Variants in RHOT1 observed in about 807,000 individuals in gnomAD.
RHOT1 encodes mitochondrial Rho GTPase 1.
Under a neutral mutation model 95.3 loss-of-function variants are expected in RHOT1, and 27 were observed. The observed-to-expected ratio is 0.28, with a 90% confidence interval of 0.21 to 0.39. The LOEUF (loss-of-function observed/expected upper bound fraction) is 0.39. Ranked by LOEUF, RHOT1 falls within the 10% of genes least tolerant of loss-of-function variation. The pLI, the probability that RHOT1 is intolerant of heterozygous loss-of-function variation, is 1.00. For missense variants in RHOT1, 578 were observed against 786.7 expected (o/e 0.73, Z 3.17); for synonymous variants, 227 against 263.5 (o/e 0.86, Z 1.34).
At position 32,173,929 on chromosome 17, in the gene RHOT1, T is replaced by C; in HGVS notation, c.178+17T>C. On this transcript the variant is annotated intron_variant, in intron 3 of 19. Coordinates refer to ENST00000545287, the MANE Select transcript of RHOT1 (RefSeq NM_001033566.3). The stretch of plus-strand genomic sequence containing the variant: ...ATTACTCAGGTAATGAATATCCTCT[T>C]GTAGATGAAGGTGTAGGTTAATTTA... 1 of 1,520,882 alleles carries C rather than the reference T, an allele frequency of 6.6e-7. No homozygotes were observed. Among genetic ancestry groups the C allele is most frequent in the Non-Finnish European group, 9.1e-7 (1 of 1,101,132 alleles). 94.2% of individuals were successfully genotyped at this position (1,520,882 alleles called of 1,614,324 possible).
chr17:32,142,838 C>A, intron 1 of RHOT1, 109 bp downstream of exon 1: 1 of 949,490 alleles, frequency 1.1e-6, no homozygotes, highest in Non-Finnish European at 1.6e-6. Context: ...CCCGGCCCTT[C>A]TCGCGCCTCA....
chr17:32,156,621 G>A (rs1273162352), intron 1 of RHOT1, among the ~76,000 whole-genome samples: 1 of 152,202 alleles, frequency 6.6e-6, no homozygotes, highest in Non-Finnish European at 1.5e-5. Flanking sequence ...TTTTCTAGGT[G>A]TGCTCCATGG....
At chr17:32,197,776 T>G (rs2142813829) in intron 11 of RHOT1, among the ~76,000 whole-genome samples, 1 of 152,304 alleles carries the variant, frequency 6.6e-6, no homozygotes, top group South Asian at 2.1e-4. Flanking sequence ...TTTTACCATG[T>G]TGGCCAGGCT....
chr17:32,182,262 G>A (rs1181613746), intron 6 of RHOT1, among the ~76,000 whole-genome samples: 1 of 152,072 alleles, frequency 6.6e-6, no homozygotes, highest in East Asian at 1.9e-4. Flanking sequence ...AACACTTTGG[G>A]AGGCCAGAAG....
chr17:32,167,156 C>T (rs1408849437), intron 1 of RHOT1, among the ~76,000 whole-genome samples: 1 of 151,962 alleles, frequency 6.6e-6, no homozygotes, highest in Non-Finnish European at 1.5e-5. Flanking sequence ...CTTGGGTGAC[C>T]AGGTGTATTG....
At chr17:32,207,292 A>G (rs2036376) in intron 17 of RHOT1, 81,682 of 319,040 alleles carry the variant, frequency 0.26, 13,171 homozygotes, top group African/African-American at 0.55. Flanking sequence ...AGCTCTTCCC[A>G]GCTGTTAAAA....
At position 32,151,130 on chromosome 17, in the gene RHOT1, A is replaced by G. The variant is rs530913277; in HGVS notation, c.37+8401A>G. On this transcript the variant is annotated intron_variant, in intron 1 of 19. Coordinates refer to ENST00000545287, the MANE Select transcript of RHOT1 (RefSeq NM_001033566.3). The stretch of plus-strand genomic sequence containing the variant: ...CACATCCTCTCCAATTTACCATGAC[A>G]CTGGGTTCTTTACTGTTGACTCTGG... The G allele has an allele frequency of 2.6e-4, 222 of 845,162 alleles. 1 individual carries two copies. Among genetic ancestry groups the G allele is most frequent in the Admixed American group, 1.0e-4 (6 of 58,566 alleles). 52.4% of individuals were successfully genotyped at this position (845,162 alleles called of 1,614,324 possible).
intron 1 of RHOT1, among the ~76,000 whole-genome samples, chr17:32,157,838 AG>A (rs2033119185): frequency 6.6e-6 from 1 of 151,970 alleles, no homozygotes; most frequent in Non-Finnish European, 1.5e-5. Flanking sequence ...AAAAAAAAAA[AG>A]AATACGTGTG....
At chr17:32,156,571 C>G (rs1210274085) in intron 1 of RHOT1, among the ~76,000 whole-genome samples, 2 of 152,220 alleles carry the variant, frequency 1.3e-5, no homozygotes, top group Non-Finnish European at 2.9e-5. Context: ...ATGCCCAGCC[C>G]TTAATGTTAA....
intron 8 of RHOT1, among the ~76,000 whole-genome samples, chr17:32,189,843 C>T (rs757945510): frequency 6.6e-6 from 1 of 150,814 alleles, no homozygotes; most frequent in Non-Finnish European, 1.5e-5. Context: ...CATGATTCTC[C>T]TGCCTCAGCC....
chr17:32,208,113 T>G lies in RHOT1; in HGVS notation c.1543T>G (p.Phe515Val). ...EYCARIFKQHFMDSRIPCLIV... is the reference protein window; with the variant it reads ...EYCARIFKQHVMDSRIPCLIV... ...TTCATTTTTTATTCCATAGCAACAC[T>G]TTATGGACAGCAGAATACCTTGCTT... Residue 515 changes from phenylalanine to valine, a missense_variant, in exon 18 of 20, where the codon TTT becomes GTT. Physicochemically the swap from Phe to Val is conservative, Grantham distance 50. Coordinates refer to ENST00000545287, the MANE Select transcript of RHOT1 (RefSeq NM_001033566.3). The G allele has an allele frequency of 6.2e-7, 1 of 1,613,696 alleles. No individual in the cohort carries two copies.
intron 8 of RHOT1, among the ~76,000 whole-genome samples, chr17:32,185,875 C>T (rs2036008497): frequency 6.6e-6 from 1 of 151,970 alleles, no homozygotes; most frequent in Admixed American, 6.6e-5. Context: ...CACATGCCAC[C>T]GTGCCCAGCT....
intron 8 of RHOT1, among the ~76,000 whole-genome samples, chr17:32,186,808 A>C (rs544098509): frequency 6.6e-6 from 1 of 152,162 alleles, no homozygotes; most frequent in East Asian, 1.9e-4. Context: ...CTACAGGTGC[A>C]TGCCACCACA....
chr17:32,158,700 C>T (rs948954829), intron 1 of RHOT1, among the ~76,000 whole-genome samples: 4 of 151,832 alleles, frequency 2.6e-5, no homozygotes, highest in African/African-American at 7.2e-5. Flanking sequence ...CCTCGTGATC[C>T]GCCCACCTCA....
At chr17:32,185,191 A>G (rs896258977) in intron 8 of RHOT1, among the ~76,000 whole-genome samples, 1 of 151,576 alleles carries the variant, frequency 6.6e-6, no homozygotes, top group Non-Finnish European at 1.5e-5. Flanking sequence ...GTGCACCACA[A>G]CCTCCGCCTC....
At chr17:32,150,633 G>A in intron 1 of RHOT1, 1 of 1,591,090 alleles carries the variant, frequency 6.3e-7, no homozygotes, top group Non-Finnish European at 8.6e-7. Flanking sequence ...GATACAGACA[G>A]TGGAAAGAAG....
rs1035992737 is a variant in RHOT1, at chr17:32,223,436, A to G, written c.1863-1180A>G. ...TTCTTTCTTTTTTTTTTTTTTTGCG[A>G]TAGAGTCTCACTCTGTCACCCAGGC... On this transcript the variant is annotated intron_variant, in intron 19 of 19. Coordinates refer to ENST00000545287, the MANE Select transcript of RHOT1 (RefSeq NM_001033566.3). Among the ~76,000 whole-genome samples, 6 of 142,168 alleles carry G rather than the reference A, an allele frequency of 4.2e-5. No homozygotes were observed. The Admixed American group carries it at 4.4e-4, about 10-fold the overall frequency. 93.3% of individuals were successfully genotyped at this position (142,168 alleles called of 152,430 possible).
chr17:32,168,517 T>G (rs2034299140), intron 1 of RHOT1, among the ~76,000 whole-genome samples: 1 of 151,738 alleles, frequency 6.6e-6, no homozygotes, highest in African/African-American at 2.4e-5. Flanking sequence ...CAAGTAGTCC[T>G]CCCACTTCAG....
chr17:32,224,756 A>C lies in RHOT1; in HGVS notation c.*23A>C. 4.3e-6 allele frequency: 6 copies of C among 1,408,964 alleles called. No individual in the cohort carries two copies. Among genetic ancestry groups the C allele is most frequent in the Non-Finnish European group, 6.0e-6 (6 of 1,000,776 alleles). 87.3% of individuals were successfully genotyped at this position (1,408,964 alleles called of 1,614,324 possible). Reference sequence around the variant, plus strand: ...TGATATAAAAAGAAATACTGTCCCTACCAAAAACAAATACTTTTATGTACA... The same window carrying C: ...TGATATAAAAAGAAATACTGTCCCTCCCAAAAACAAATACTTTTATGTACA... On this transcript the variant is annotated 3_prime_UTR_variant, in exon 20 of 20. Transcript: ENST00000545287.
Sources: gnomAD v4.1 joint callset for allele counts (sites outside exome capture counted in the v4.1 genomes callset) on GRCh38, gnomAD v4.1.1 for gene constraint, MANE v1.5 for transcripts, NCBI Gene and HGNC (gene_info 2026-07-23, HGNC 2026-07-21) for gene names.